Variants in ATP2A3 observed in about 807,000 individuals in gnomAD.
The protein encoded by ATP2A3 is sarcoplasmic/endoplasmic reticulum calcium ATPase 3.
ATP2A3 carries 61 observed loss-of-function variants against 106.8 expected under a neutral mutation model. The ratio of observed to expected loss-of-function variants is 0.57; its 90% CI spans 0.46 to 0.71. ATP2A3 has a LOEUF of 0.71. Among genes scored for constraint, ATP2A3 ranks in the 30% least tolerant of loss-of-function variants. The pLI is 0.00. For missense variants in ATP2A3, 1,201 were observed against 1,423.5 expected (o/e 0.84, Z 2.52); for synonymous variants, 611 against 609.3 (o/e 1.00, Z -0.04).
At chr17:3,943,550 G>A in intron 10 of ATP2A3, 28 bp from the exon 11 acceptor site, 1 of 1,613,722 alleles carries the variant, frequency 6.2e-7, no homozygotes, top group Non-Finnish European at 8.5e-7. Context: ...GATAGGGAGT[G>A]AGGGGCAGGC....
Position 3,929,469 on chromosome 17 carries a change from C to T in ATP2A3, c.2745-24G>A. 1 of 1,575,156 alleles carries T rather than the reference C, an allele frequency of 6.3e-7. No individual in the cohort carries two copies. Among genetic ancestry groups the T allele is most frequent in the Non-Finnish European group, 8.6e-7 (1 of 1,160,042 alleles). Reference sequence around the variant, plus strand: ...CGCTGCCAGGGCACAGGGTGCTCCCCTTAGGCCGGGGTGCAGGGAGGCCCT... The same window carrying T: ...CGCTGCCAGGGCACAGGGTGCTCCCTTTAGGCCGGGGTGCAGGGAGGCCCT... On this transcript the variant is annotated intron_variant, in intron 18 of 20. Transcript: ENST00000397041. The surrounding 1 kb of genome is among the most constrained non-coding windows in gnomAD (Gnocchi z 4.3).
rs2054214909 is a variant in ATP2A3 at position 3,947,998 on chromosome 17, G to A, written c.631-143C>T. Reference sequence around the variant, plus strand: ...ATGTTGCTAGTGCTTCCAGACTCCTGTAGCTATGTATGCACGGGGTCCCTG... The same window carrying A: ...ATGTTGCTAGTGCTTCCAGACTCCTATAGCTATGTATGCACGGGGTCCCTG... On this transcript the variant is annotated intron_variant, in intron 7 of 20. Coordinates refer to ENST00000397041, the MANE Select transcript of ATP2A3 (RefSeq NM_005173.4). This position sits in a 1 kb window ranked among gnomAD's most constrained non-coding sequence, Gnocchi z 7.7. 2 of 794,678 alleles carry A rather than the reference G, an allele frequency of 2.5e-6. No individual in the cohort carries two copies. Among genetic ancestry groups the A allele is most frequent in the Non-Finnish European group, 4.0e-6 (2 of 496,310 alleles). The allele number at this position is 794,678 out of a possible 1,614,324, so 49.2% of individuals were successfully genotyped here. A position where few individuals can be genotyped will look rare whatever the true frequency, so the allele number is the denominator to read the frequency against.
At position 3,953,660 on chromosome 17, in the gene ATP2A3, C is replaced by A. The variant is rs758534122; in HGVS notation, c.136+33G>T. On this transcript the variant is annotated intron_variant, in intron 2 of 20. Transcript: ENST00000397041. The surrounding 1 kb of genome is among the most constrained non-coding windows in gnomAD (Gnocchi z 5.1). ...GAGAACGACCCAGGGATGCTGCCCG[C>A]GGCCTAGAGGTCCATCCCGGTGCCA... is the stretch of plus-strand genomic sequence containing the variant. 7 of 1,559,414 alleles carry A rather than the reference C, an allele frequency of 4.5e-6. No individual in the cohort carries two copies. Among genetic ancestry groups the A allele is most frequent in the South Asian group, 1.2e-5 (1 of 84,700 alleles).
rs2052634933 is a variant in ATP2A3, at chr17:3,925,177, G to A, written c.*245C>T. 1 of 622,688 alleles carries A rather than the reference G, an allele frequency of 1.6e-6. No homozygotes were observed. The highest frequency in any genetic ancestry group is 1.8e-5 in the African/African-American group (1 of 54,246). 38.6% of individuals were successfully genotyped at this position (622,688 alleles called of 1,614,324 possible). A position where few individuals can be genotyped will look rare whatever the true frequency, so the allele number is the denominator to read the frequency against. ...GCAGCTCCTGGGCCAGAGCTGCAGA[G>A]CAGGGAACTTCCCAGGAGAGTCCAG... On this transcript the variant is annotated 3_prime_UTR_variant, in exon 21 of 21. Transcript: ENST00000397041. This position sits in a 1 kb window ranked among gnomAD's most constrained non-coding sequence, Gnocchi z 4.2.
chr17:3,924,425 C>T lies in ATP2A3; in HGVS notation c.*997G>A, dbSNP rs1283541323. Reference sequence around the variant, plus strand: ...TGACATCCTTTCGGCTCATGGGTGTCGTGGGGAGGGGGCAAGGAGTGAGGC... The same window carrying T: ...TGACATCCTTTCGGCTCATGGGTGTTGTGGGGAGGGGGCAAGGAGTGAGGC... On this transcript the variant is annotated 3_prime_UTR_variant, in exon 21 of 21. Transcript: ENST00000397041. The surrounding 1 kb of genome is among the most constrained non-coding windows in gnomAD (Gnocchi z 6.4). 4 of 213,262 alleles carry T rather than the reference C, an allele frequency of 1.9e-5. No homozygotes were observed. The highest frequency in any genetic ancestry group is 5.7e-5 in the South Asian group (1 of 17,550). 13.2% of individuals were successfully genotyped at this position (213,262 alleles called of 1,614,324 possible). A position where few individuals can be genotyped will look rare whatever the true frequency, so the allele number is the denominator to read the frequency against.
rs199548737 is a variant in ATP2A3 at position 3,925,445 on chromosome 17, G to A, written c.2981-4C>T. 1.2e-5 allele frequency: 20 copies of A among 1,613,252 alleles called. No homozygotes were observed. In the South Asian group the frequency reaches 2.1e-4, roughly 17 times the overall value. ...GCTCACTTCTGGCTCATTTCTTCTG[G>A]AAGAAAAACCCAAGAGCGCGTTAAG... On this transcript the variant is annotated splice_polypyrimidine_tract_variant and splice_region_variant and intron_variant, in intron 20 of 20. Transcript: ENST00000397041. This position sits in a 1 kb window ranked among gnomAD's most constrained non-coding sequence, Gnocchi z 4.2.
chr17:3,927,893 C>A, intron 20 of ATP2A3: 1 of 1,591,020 alleles, frequency 6.3e-7, no homozygotes, highest in Non-Finnish European at 8.5e-7. Flanking sequence ...CAGGCCTCAG[C>A]CACTGCCCAG....
At position 3,942,863 on chromosome 17, in the gene ATP2A3, C is replaced by A; in HGVS notation, c.1420-132G>T. ...GACATCTACACTCCTCTGACCCCAC[C>A]ATTCAAGGCCTCCATTTCCCTCTCC... On this transcript the variant is annotated intron_variant, in intron 11 of 20. Transcript: ENST00000397041. The A allele has an allele frequency of 3.7e-6, 5 of 1,345,512 alleles. No homozygotes were observed. In the South Asian group the frequency reaches 5.1e-5, roughly 14 times the overall value. The allele number at this position is 1,345,512 out of a possible 1,614,324, so 83.3% of individuals were successfully genotyped here. A position where few individuals can be genotyped will look rare whatever the true frequency, so the allele number is the denominator to read the frequency against.
At chr17:3,931,700 T>C (rs574939566) in intron 17 of ATP2A3, among the ~76,000 whole-genome samples, 20 of 152,004 alleles carry the variant, frequency 1.3e-4, no homozygotes, top group Non-Finnish European at 2.5e-4. Context: ...TTTTTGTATT[T>C]TTAGTGGAGA....
At chr17:3,932,371 T>C (rs1465141342) in intron 17 of ATP2A3, among the ~76,000 whole-genome samples, 2 of 152,162 alleles carry the variant, frequency 1.3e-5, no homozygotes, top group African/African-American at 4.8e-5. Context: ...CTCGATCTCC[T>C]GACCTCAAGT....
Position 3,924,714 on chromosome 17 carries a change from C to T in ATP2A3, c.*708G>A, listed in dbSNP as rs921255189. On this transcript the variant is annotated 3_prime_UTR_variant, in exon 21 of 21. Coordinates refer to ENST00000397041, the MANE Select transcript of ATP2A3 (RefSeq NM_005173.4). The surrounding 1 kb of genome is among the most constrained non-coding windows in gnomAD (Gnocchi z 6.4). ...CTGAGGCAGTCCAGCCAGGCTTTCC[C>T]GACTTGTCTCCCGGGAAAGGACATC... is the stretch of plus-strand genomic sequence containing the variant. 3.9e-5 allele frequency: 18 copies of T among 456,118 alleles called. No homozygotes were observed. Among genetic ancestry groups the T allele is most frequent in the South Asian group, 1.2e-4 (8 of 64,510 alleles). 28.3% of individuals were successfully genotyped at this position (456,118 alleles called of 1,614,324 possible).
rs75206413 is a variant in ATP2A3 at position 3,928,623 on chromosome 17, G to C, written c.2980+40C>G. On this transcript the variant is annotated intron_variant, in intron 20 of 20. Transcript: ENST00000397041. The surrounding 1 kb of genome is among the most constrained non-coding windows in gnomAD (Gnocchi z 6.1). The stretch of plus-strand genomic sequence containing the variant: ...CTGCAGCCCAGGAGCAGAGGCGGGC[G>C]GGGAGGCAGGCTGGAGGCGGGACGG... 3,307 of 1,498,706 alleles carry C rather than the reference G, an allele frequency of 2.2e-3. 54 individuals carry two copies. In the African/African-American group the frequency reaches 0.04, roughly 18 times the overall value. The allele number at this position is 1,498,706 out of a possible 1,614,324, so 92.8% of individuals were successfully genotyped here. A position where few individuals can be genotyped will look rare whatever the true frequency, so the allele number is the denominator to read the frequency against.
At chr17:3,950,372 C>A (rs938860328) in intron 7 of ATP2A3, 139 bp downstream of exon 7, 10 of 794,726 alleles carry the variant, frequency 1.3e-5, no homozygotes, top group Non-Finnish European at 1.9e-5. Flanking sequence ...CCATGTTGGC[C>A]AGGCTGGTCT....
At chr17:3,954,904 G>A (rs1442565765) in intron 1 of ATP2A3, among the ~76,000 whole-genome samples, 1 of 152,244 alleles carries the variant, frequency 6.6e-6, no homozygotes, top group East Asian at 1.9e-4. Context: ...AGGGCAGGCA[G>A]GTGGCAGGGA....
rs1480969169 is a variant in ATP2A3, at chr17:3,964,162, C to T, written c.118+12G>A. The T allele has an allele frequency of 2.6e-6, 3 of 1,155,404 alleles. No homozygotes were observed. The highest frequency in any genetic ancestry group is 2.1e-6 in the Non-Finnish European group (2 of 937,920). 71.6% of individuals were successfully genotyped at this position (1,155,404 alleles called of 1,614,324 possible). ...CCCCCGCTCCCCGGCCCGGCCCGGC[C>T]CGCGCGCTCACCGTTGGGGCCGTAG... On this transcript the variant is annotated intron_variant, in intron 1 of 20. Transcript: ENST00000397041.
Position 3,936,427 on chromosome 17 carries a change from G to T in ATP2A3, c.2364C>A (p.Ile788=), listed in dbSNP as rs1030797881. The change falls in exon 16 of 21, where the codon ATC becomes ATA. Residue 788 remains isoleucine, a synonymous_variant. Coordinates refer to ENST00000397041, the MANE Select transcript of ATP2A3 (RefSeq NM_005173.4). The surrounding 1 kb of genome is among the most constrained non-coding windows in gnomAD (Gnocchi z 5.4). ...GGTTCACCCAGAGCAGCTGCACAGG[G>T]ATCAGGGCTTCGGGCAGGCCCAGAA... ...TAILGLPEAL[I]PVQLLWVNLV... 3.1e-6 allele frequency: 5 copies of T among 1,614,022 alleles called. No individual in the cohort carries two copies. Among genetic ancestry groups the T allele is most frequent in the Non-Finnish European group, 4.2e-6 (5 of 1,180,034 alleles).
intron 16 of ATP2A3, among the ~76,000 whole-genome samples, chr17:3,935,555 T>TTTGGAAG (rs2053393620): frequency 6.7e-6 from 1 of 149,388 alleles, no homozygotes; most frequent in Admixed American, 6.6e-5. Flanking sequence ...TTTTTTTTTT[T>TTTGGAAG]GAGACGGAGT....
At chr17:3,950,278 C>T (rs1261571984) in intron 7 of ATP2A3, among the ~76,000 whole-genome samples, 1 of 151,560 alleles carries the variant, frequency 6.6e-6, no homozygotes, top group Non-Finnish European at 1.5e-5. Context: ...TCTCCTGCCT[C>T]AGCCTCCCAA....
chr17:3,958,956 A>G lies in ATP2A3; in HGVS notation c.118+5218T>C, dbSNP rs193234081. ...GCCCAGGCTGGAGTGCGGTGGTGCA[A>G]TCTTGGTTCACTGCAACCTCTGCCT... On this transcript the variant is annotated intron_variant, in intron 1 of 20. Transcript: ENST00000397041. Among the ~76,000 whole-genome samples, 7 of 149,864 alleles carry G rather than the reference A, an allele frequency of 4.7e-5. No homozygotes were observed. In the South Asian group the frequency reaches 1.3e-3, roughly 27 times the overall value.
Sources: allele counts gnomAD v4.1 joint callset (sites outside exome capture counted in the v4.1 genomes callset), GRCh38; gene constraint gnomAD v4.1.1; non-coding constraint Gnocchi (gnomAD v3.1); transcripts MANE v1.5; gene names NCBI Gene and HGNC (gene_info 2026-07-23, HGNC 2026-07-21).